Variants in BTBD9 observed in about 807,000 individuals in gnomAD.
The protein encoded by BTBD9 is BTB/POZ domain-containing protein 9.
Under a neutral mutation model 64.3 loss-of-function variants are expected in BTBD9, and 49 were observed. The ratio of observed to expected loss-of-function variants is 0.76; its 90% CI spans 0.61 to 0.97. BTBD9 has a LOEUF of 0.97. Among genes scored for constraint, BTBD9 ranks in the 50% least tolerant of loss-of-function variants. BTBD9 has a pLI of 0.00. For synonymous variants in BTBD9, 260 were observed against 274.7 expected (o/e 0.95, Z 0.53); for missense variants, 598 against 762.1 (o/e 0.78, Z 2.53).
intron 7 of BTBD9, among the ~76,000 whole-genome samples, chr6:38,332,462 T>C (rs1476749802): frequency 6.6e-6 from 1 of 152,232 alleles, no homozygotes; most frequent in Non-Finnish European, 1.5e-5. Flanking sequence ...TTCTTACACA[T>C]ACTGGGATCT....
chr6:38,494,376 GT>G (rs1771848166), intron 6 of BTBD9, among the ~76,000 whole-genome samples: 5 of 152,226 alleles, frequency 3.3e-5, no homozygotes, highest in Admixed American at 1.3e-4. Flanking sequence ...ATTCTGAAAA[GT>G]AAAAAAGAAA....
chr6:38,497,835 G>A (rs1562263919), intron 6 of BTBD9, among the ~76,000 whole-genome samples: 2 of 152,266 alleles, frequency 1.3e-5, no homozygotes, highest in East Asian at 3.9e-4. Context: ...CAAGTCCCAG[G>A]CAGAACCGAA....
intron 6 of BTBD9, among the ~76,000 whole-genome samples, chr6:38,497,535 C>A (rs1772008708): frequency 6.6e-6 from 1 of 151,862 alleles, no homozygotes; most frequent in Admixed American, 6.6e-5. Context: ...AGTATGGAGT[C>A]CCTTTTTGCA....
chr6:38,250,834 A>C (rs1764368197), intron 9 of BTBD9, among the ~76,000 whole-genome samples: 1 of 152,164 alleles, frequency 6.6e-6, no homozygotes, highest in Non-Finnish European at 1.5e-5. Context: ...GCACTTTGGG[A>C]AGCCGAGGTG....
intron 10 of BTBD9, among the ~76,000 whole-genome samples, chr6:38,178,885 G>A (rs956863010): frequency 2.0e-5 from 3 of 151,684 alleles, no homozygotes; most frequent in African/African-American, 7.3e-5. Context: ...ACAGAGTCTC[G>A]CTCTGTCGCC....
intron 6 of BTBD9, among the ~76,000 whole-genome samples, chr6:38,556,324 C>T (rs1246041629): frequency 2.0e-5 from 3 of 152,078 alleles, no homozygotes; most frequent in Non-Finnish European, 4.4e-5. Context: ...TTCAATCTGG[C>T]ACCATTCACT....
intron 6 of BTBD9, among the ~76,000 whole-genome samples, chr6:38,513,454 A>C (rs750464322): frequency 3.3e-5 from 5 of 152,078 alleles, no homozygotes; most frequent in Non-Finnish European, 5.9e-5. Flanking sequence ...TCTCAAAAAA[A>C]AAAAAGAAAA....
At chr6:38,564,651 G>A (rs1775403442) in intron 6 of BTBD9, among the ~76,000 whole-genome samples, 1 of 152,094 alleles carries the variant, frequency 6.6e-6, no homozygotes, top group Non-Finnish European at 1.5e-5. Context: ...CACTTTGGGA[G>A]GCCAAGGTGG....
chr6:38,404,344 T>C (rs188704700), intron 6 of BTBD9, among the ~76,000 whole-genome samples: 127 of 152,334 alleles, frequency 8.3e-4, no homozygotes, highest in Non-Finnish European at 1.6e-4. Context: ...TCATTTACCA[T>C]AGCATGATTT....
At chr6:38,250,264 A>T (rs1235244509) in intron 9 of BTBD9, among the ~76,000 whole-genome samples, 1 of 152,264 alleles carries the variant, frequency 6.6e-6, no homozygotes, top group Non-Finnish European at 1.5e-5. Flanking sequence ...GATTGCAGAC[A>T]TAAACAATCT....
chr6:38,541,428 A>G (rs1774264788), intron 6 of BTBD9, among the ~76,000 whole-genome samples: 1 of 152,194 alleles, frequency 6.6e-6, no homozygotes, highest in Admixed American at 6.5e-5. Flanking sequence ...GAACATGGAC[A>G]TAGAGGTCAA....
At chr6:38,250,088 T>C (rs1170770773) in intron 9 of BTBD9, among the ~76,000 whole-genome samples, 1 of 152,108 alleles carries the variant, frequency 6.6e-6, no homozygotes, top group Non-Finnish European at 1.5e-5. Context: ...TCCACTACCA[T>C]CAGGTTTTCA....
chr6:38,597,156 T>C (rs531545719), intron 2 of BTBD9, among the ~76,000 whole-genome samples: 3 of 152,344 alleles, frequency 2.0e-5, no homozygotes, highest in African/African-American at 7.2e-5. Flanking sequence ...GGTGTTGCTG[T>C]CTTGCTTAAT....
intron 9 of BTBD9, among the ~76,000 whole-genome samples, chr6:38,231,360 G>C (rs1763599299): frequency 6.6e-6 from 1 of 152,164 alleles, no homozygotes; most frequent in South Asian, 2.1e-4. Flanking sequence ...CATTGCTGGT[G>C]CAGAATTAAC....
At chr6:38,493,305 C>T (rs189221017) in intron 6 of BTBD9, among the ~76,000 whole-genome samples, 264 of 152,292 alleles carry the variant, frequency 1.7e-3, no homozygotes, top group African/African-American at 5.7e-3. Context: ...TGACTTATAC[C>T]CAATTTCCAA....
chr6:38,300,109 T>C (rs565193052), intron 7 of BTBD9, among the ~76,000 whole-genome samples: 142 of 152,368 alleles, frequency 9.3e-4, no homozygotes, highest in African/African-American at 3.2e-3. Context: ...ATTTATTAAA[T>C]AGGGAATCCT....
intron 6 of BTBD9, among the ~76,000 whole-genome samples, chr6:38,490,313 A>G (rs1771648225): frequency 6.6e-6 from 1 of 152,116 alleles, no homozygotes; most frequent in African/African-American, 2.4e-5. Flanking sequence ...CTCAAAAGAC[A>G]CATCCATTTC....
At chr6:38,599,370 C>T (rs563773776) in intron 1 of BTBD9, among the ~76,000 whole-genome samples, 2 of 152,256 alleles carry the variant, frequency 1.3e-5, no homozygotes, top group East Asian at 3.9e-4. Flanking sequence ...ACTGTAACCT[C>T]GAACTCCTGG....
At chr6:38,295,165 A>C (rs192529981) in intron 7 of BTBD9, among the ~76,000 whole-genome samples, 1 of 151,810 alleles carries the variant, frequency 6.6e-6, no homozygotes, top group Non-Finnish European at 1.5e-5. Flanking sequence ...AAAAAATTCT[A>C]TTATTGTTGT....
Sources: gnomAD v4.1 joint callset for allele counts (sites outside exome capture counted in the v4.1 genomes callset) on GRCh38, gnomAD v4.1.1 for gene constraint, MANE v1.5 for transcripts, NCBI Gene and HGNC (gene_info 2026-07-23, HGNC 2026-07-21) for gene names.